The following SRGAP3 variants were observed in gnomAD, a reference collection of about 807,000 sequenced individuals.
The protein encoded by SRGAP3 is SLIT-ROBO Rho GTPase-activating protein 3.
A neutral mutation model predicts 121.1 loss-of-function variants in SRGAP3; 39 were observed. The observed-to-expected ratio is 0.32, with a 90% CI of 0.25 to 0.42. The LOEUF (loss-of-function observed/expected upper bound fraction) is 0.42, where lower values mean the gene tolerates loss of function less well. Ranked by LOEUF, SRGAP3 falls within the 10% of genes least tolerant of loss-of-function variation. The pLI, the probability that SRGAP3 is intolerant of heterozygous loss-of-function variation, is 1.00. For synonymous variants in SRGAP3, 601 were observed against 570.0 expected (o/e 1.05, Z -0.77); for missense variants, 1,213 against 1,470.6 (o/e 0.82, Z 2.86).
At position 9,170,969 on chromosome 3, in the gene SRGAP3, C is replaced by T. The variant is rs758225974; in HGVS notation, c.68-46052G>A. ...TGGGATTCAGGCCTGTTCTGTCCCT[C>T]AGCAGCAGGACAGCGCACGCATCTG... On this transcript the variant is annotated intron_variant, in intron 1 of 21. Transcript: ENST00000383836. Among the ~76,000 whole-genome samples the T allele has an allele frequency of 1.2e-3, 179 of 152,246 alleles. 1 individual carries two copies. The highest frequency in any genetic ancestry group is 2.9e-4 in the Non-Finnish European group (20 of 68,044).
intron 3 of SRGAP3, among the ~76,000 whole-genome samples, chr3:9,277,039 G>A (rs1954596772): frequency 6.6e-6 from 1 of 152,160 alleles, no homozygotes; most frequent in Non-Finnish European, 1.5e-5. Context: ...ACCTCTGTGT[G>A]CCTCATTTTC....
chr3:9,216,728 C>T (rs1032548896), intron 1 of SRGAP3: 1 of 152,606 alleles, frequency 6.6e-6, no homozygotes, highest in African/African-American at 2.4e-5. Context: ...CTGACAAGAC[C>T]GCAGCACATG....
At chr3:9,274,624 C>T (rs1261886240) in intron 3 of SRGAP3, among the ~76,000 whole-genome samples, 3 of 152,196 alleles carry the variant, frequency 2.0e-5, no homozygotes, top group Admixed American at 6.5e-5. Flanking sequence ...CCTTTTACAC[C>T]TGCACCCAAT....
chr3:9,189,071 T>G (rs1385161676), intron 1 of SRGAP3, among the ~76,000 whole-genome samples: 1 of 152,178 alleles, frequency 6.6e-6, no homozygotes, highest in Non-Finnish European at 1.5e-5. Context: ...AAAACACTTG[T>G]CTAGATTTCT....
chr3:9,013,591 GT>G (rs906406828), intron 16 of SRGAP3, 56 bp from the exon 17 acceptor site: 24 of 1,591,318 alleles, frequency 1.5e-5, no homozygotes, highest in East Asian at 6.7e-5. Flanking sequence ...CTCCCCCTGT[GT>G]TTTTTTTCTT....
chr3:9,100,435 C>T (rs570822427), intron 3 of SRGAP3, among the ~76,000 whole-genome samples: 3 of 152,284 alleles, frequency 2.0e-5, no homozygotes, highest in Admixed American at 6.5e-5. Context: ...AATTGACACA[C>T]AGAAGGTGAC....
upstream of SRGAP3, among the ~76,000 whole-genome samples, chr3:9,251,601 T>C (rs1440753207): frequency 6.6e-6 from 1 of 152,210 alleles, no homozygotes; most frequent in Non-Finnish European, 1.5e-5. Flanking sequence ...CCTGCTTGTG[T>C]GCCCACTGGT....
At chr3:9,210,962 AC>A (rs1952427176) in intron 1 of SRGAP3, among the ~76,000 whole-genome samples, 1 of 152,256 alleles carries the variant, frequency 6.6e-6, no homozygotes, top group Non-Finnish European at 1.5e-5. Context: ...ATTAGTACGT[AC>A]TAAAAACAAA....
At chr3:9,299,676 G>GAGGC (rs1203895530) in intron 3 of SRGAP3, among the ~76,000 whole-genome samples, 14 of 152,312 alleles carry the variant, frequency 9.2e-5, no homozygotes, top group Admixed American at 2.6e-4. Context: ...TTGGGAGGCT[G>GAGGC]AGGCAGGTGG....
chr3:9,145,894 G>A (rs1950007052), intron 1 of SRGAP3, among the ~76,000 whole-genome samples: 1 of 152,242 alleles, frequency 6.6e-6, no homozygotes, highest in Non-Finnish European at 1.5e-5. Flanking sequence ...CTGGAAGTAT[G>A]TGACCTGTTC....
chr3:8,995,607 A>C (rs1015285892), intron 18 of SRGAP3, among the ~76,000 whole-genome samples: 21 of 152,346 alleles, frequency 1.4e-4, no homozygotes, highest in African/African-American at 4.3e-4. Context: ...GGATGCGTCC[A>C]GAGAAGAGAC....
Position 9,239,708 on chromosome 3 carries a change from C to T in SRGAP3, c.67+9177G>A, listed in dbSNP as rs1302580063. On this transcript the variant is annotated intron_variant, in intron 1 of 21. Transcript: ENST00000383836. This position sits in a 1 kb window ranked among gnomAD's most constrained non-coding sequence, Gnocchi z 4.0. ...TACCATTTAAATCAATGGTTGAGCA[C>T]TCTGTAATTGGAAATGTCAAAATCC... 1.3e-5 allele frequency among the ~76,000 whole-genome samples: 2 copies of T among 152,192 alleles called. No homozygotes were observed. Among genetic ancestry groups the T allele is most frequent in the East Asian group, 3.8e-4 (2 of 5,200 alleles).
intron 3 of SRGAP3, among the ~76,000 whole-genome samples, chr3:9,308,214 G>A (rs1955189217): frequency 6.6e-6 from 1 of 152,174 alleles, no homozygotes; most frequent in Non-Finnish European, 1.5e-5. Flanking sequence ...TTCACTGAGG[G>A]ACAACTGAAG....
chr3:9,350,336 T>C (rs2030061686), intron 1 of SRGAP3, among the ~76,000 whole-genome samples: 1 of 151,682 alleles, frequency 6.6e-6, no homozygotes, highest in Admixed American at 6.6e-5. Flanking sequence ...TATTTAATCA[T>C]CACAACAAAG....
chr3:9,299,856 C>T (rs1955020126), intron 3 of SRGAP3, among the ~76,000 whole-genome samples: 1 of 151,990 alleles, frequency 6.6e-6, no homozygotes. Context: ...GGTGAGCCAA[C>T]ATCACACCAG....
intron 1 of SRGAP3, among the ~76,000 whole-genome samples, chr3:9,335,928 A>G (rs1212721429): frequency 2.0e-5 from 3 of 152,092 alleles, no homozygotes; most frequent in African/African-American, 4.8e-5. Flanking sequence ...AATGACTCTA[A>G]TTTGCAGCCA....
At position 9,288,459 on chromosome 3, in the gene SRGAP3, GC is replaced by G. The variant is rs571016303; in HGVS notation, n.442+37550del. Among the ~76,000 whole-genome samples, 20 of 151,620 alleles carry G rather than the reference GC, an allele frequency of 1.3e-4. No homozygotes were observed. In the South Asian group the frequency reaches 4.2e-3, roughly 32 times the overall value. On this transcript the variant is annotated intron_variant and non_coding_transcript_variant, in intron 3 of 3. Coordinates refer to the SRGAP3 transcript ENST00000490889. ...GCCTTGTTTCATTCTATCTTCCAGA[GC>G]TCTAGATATTGTTCCAGAACTCTCC...
chr3:9,312,566 G>A (rs1955265896), intron 3 of SRGAP3, among the ~76,000 whole-genome samples: 1 of 152,212 alleles, frequency 6.6e-6, no homozygotes. Flanking sequence ...CCAGACATTG[G>A]GTAGGTCACT....
At chr3:9,313,668 C>T (rs571275738) in intron 3 of SRGAP3, among the ~76,000 whole-genome samples, 2 of 150,320 alleles carry the variant, frequency 1.3e-5, no homozygotes, top group African/African-American at 4.9e-5. Context: ...CAGAGCAAGA[C>T]TCTATGTCTT....
Sources: gnomAD v4.1 joint callset for allele counts (sites outside exome capture counted in the v4.1 genomes callset) on GRCh38, gnomAD v4.1.1 for gene constraint, Gnocchi (gnomAD v3.1) non-coding constraint, MANE v1.5 for transcripts, NCBI Gene and HGNC (gene_info 2026-07-23, HGNC 2026-07-21) for gene names.